ZMYND12: variants seen among roughly 807,000 people sequenced by gnomAD.
ZMYND12 encodes zinc finger MYND domain-containing protein 12.
In ZMYND12, 32 loss-of-function variants were observed where a neutral mutation model predicts 41.7. That is an observed-to-expected ratio of 0.77 (90% CI 0.58 to 1.03). ZMYND12 has a LOEUF of 1.03. ZMYND12 is among the 50% of genes least tolerant of loss of function. ZMYND12 has a pLI of 0.00. For missense variants in ZMYND12, 424 were observed against 438.5 expected (o/e 0.97, Z 0.30); for synonymous variants, 148 against 164.8 (o/e 0.90, Z 0.78).
chr1:42,441,900 G>C (rs1056285534), intron 3 of ZMYND12, among the ~76,000 whole-genome samples: 3 of 152,228 alleles, frequency 2.0e-5, no homozygotes, highest in Admixed American at 6.5e-5. Flanking sequence ...GATTACAGGC[G>C]TGAGCCACCG....
chr1:42,437,081 T>C (rs960610949), intron 4 of ZMYND12, among the ~76,000 whole-genome samples: 3 of 152,202 alleles, frequency 2.0e-5, no homozygotes, highest in Admixed American at 2.0e-4. Context: ...AATTGTAGTA[T>C]ATCCAGGCAA....
chr1:42,430,554 T>A lies in ZMYND12; in HGVS notation c.*182A>T. 1.4e-6 allele frequency: 1 copy of A among 692,492 alleles called. No individual in the cohort carries two copies. The highest frequency in any genetic ancestry group is 2.3e-6 in the Non-Finnish European group (1 of 439,470). 42.9% of individuals were successfully genotyped at this position (692,492 alleles called of 1,614,324 possible). On this transcript the variant is annotated 3_prime_UTR_variant, in exon 8 of 8. Coordinates refer to ENST00000372565, the MANE Select transcript of ZMYND12 (RefSeq NM_032257.5). ...CACAGTTTTTAGTGATTTCTATGCC[T>A]AAAGCTTTATATTCCCTTAATATGC... is the stretch of plus-strand genomic sequence containing the variant.
intron 3 of ZMYND12, among the ~76,000 whole-genome samples, chr1:42,441,791 T>G (rs1234278783): frequency 6.6e-6 from 1 of 152,034 alleles, no homozygotes; most frequent in Admixed American, 6.6e-5. Flanking sequence ...CGGCTAATTT[T>G]TTGTATTTTT....
rs1215615238 is a variant in ZMYND12 at position 42,449,302 on chromosome 1, TTA to T, written c.252+614_252+615del. On this transcript the variant is annotated intron_variant, in intron 2 of 7. Transcript: ENST00000372565. ...CCATACATCATTCTTAACCCTCCTA[TTA>T]TGTGGCCAGACTCTTGGCATCTGTG... Among the ~76,000 whole-genome samples, 4 of 152,204 alleles carry T rather than the reference TTA, an allele frequency of 2.6e-5. No individual in the cohort carries two copies. The East Asian group carries it at 7.7e-4, about 29-fold the overall frequency.
rs1642837823 is a variant in ZMYND12 at position 42,430,698 on chromosome 1, G to A, written c.*38C>T. The A allele has an allele frequency of 6.2e-7, 1 of 1,607,570 alleles. No individual in the cohort carries two copies. ...GCTGGAATATATTAGATCTTCAGTA[G>A]CCCCTGGAATAACCCTTGATGCAGA... is the stretch of plus-strand genomic sequence containing the variant. On this transcript the variant is annotated 3_prime_UTR_variant, in exon 8 of 8. Coordinates refer to ENST00000372565, the MANE Select transcript of ZMYND12 (RefSeq NM_032257.5).
In ZMYND12 at chr1:42,433,143, C is replaced by G. The variant is rs562399116; in HGVS notation, c.975G>C (p.Lys325Asn). ...GTGTTGCTTTTTTAGGGAAACTTGC[C>G]TTTGAAGAATTCATCATCAGGTAGT... Reference protein sequence around the residue: ...MFYYLMMNSSKAQEYGMRALS... With the variant: ...MFYYLMMNSSNAQEYGMRALS... Residue 325 changes from lysine (K) to asparagine (N), a missense_variant and splice_region_variant, in exon 7 of 8, where the codon AAG (lysine) becomes AAC (asparagine). Lys to Asn is a moderately conservative substitution (Grantham distance 94). Transcript: ENST00000372565. 6.2e-7 allele frequency: 1 copy of G among 1,604,834 alleles called. No homozygotes were observed. The highest frequency in any genetic ancestry group is 1.3e-5 in the African/African-American group (1 of 74,372).
chr1:42,433,903 A>G (rs1642880883), intron 6 of ZMYND12, among the ~76,000 whole-genome samples: 1 of 151,452 alleles, frequency 6.6e-6, no homozygotes, highest in South Asian at 2.1e-4. Flanking sequence ...AAAAAGACGA[A>G]AAGGATATAC....
In ZMYND12 at chr1:42,430,755, TC is replaced by T. The variant is rs1456648313; in HGVS notation, c.1078del (p.Glu360LysfsTer10). The T allele has an allele frequency of 3.7e-6, 6 of 1,614,184 alleles. No homozygotes were observed. The highest frequency in any genetic ancestry group is 5.1e-6 in the Non-Finnish European group (6 of 1,180,008). On this transcript the variant is annotated frameshift_variant, in exon 8 of 8. Transcript: ENST00000372565. LOFTEE classifies it high-confidence loss of function. ...GGGTCACTAAGTAATGGGATGGTCT[TC>T]AGTTGAAATGAGACTTAATAACTCT... The part of the protein sequence containing the change: ...IQELLSLIST[E>X]DHPIT
In ZMYND12 at chr1:42,448,542, A is replaced by G; in HGVS notation, c.349T>C (p.Phe117Leu). ...CTCAGGCCATACAGCTTCACACGGA[A>G]GCGAAGGGACTGCAAAGCTGCTGGT... ...AVPAALQSLR[F>L]RVKLYGLSSV... The change falls in exon 3 of 8, where the codon TTC becomes CTC. Residue 117 changes from phenylalanine (F) to leucine (L), a missense_variant. By Grantham distance (22) the Phe-to-Leu change is conservative. Transcript: ENST00000372565. 1 of 1,613,962 alleles carries G rather than the reference A, an allele frequency of 6.2e-7. No individual in the cohort carries two copies. The highest frequency in any genetic ancestry group is 8.5e-7 in the Non-Finnish European group (1 of 1,179,914).
intron 3 of ZMYND12, among the ~76,000 whole-genome samples, chr1:42,445,725 C>T (rs1289848552): frequency 6.6e-6 from 1 of 152,078 alleles, no homozygotes; most frequent in African/African-American, 2.4e-5. Context: ...TTGTTAACGG[C>T]TAGATCAAGC....
intron 3 of ZMYND12, among the ~76,000 whole-genome samples, chr1:42,442,463 T>C (rs1195315099): frequency 6.6e-6 from 1 of 152,190 alleles, no homozygotes; most frequent in Non-Finnish European, 1.5e-5. Context: ...CTCTTGACAC[T>C]TAAAGCTTTT....
At chr1:42,449,585 A>T (rs1346676430) in intron 2 of ZMYND12, among the ~76,000 whole-genome samples, 1 of 152,242 alleles carries the variant, frequency 6.6e-6, no homozygotes, top group Non-Finnish European at 1.5e-5. Flanking sequence ...GCCATCTGAA[A>T]GCCAGGAAGA....
At chr1:42,433,369 C>T (rs936235394) in intron 6 of ZMYND12, 81 bp from the exon 7 acceptor site, 28 of 1,471,396 alleles carry the variant, frequency 1.9e-5, no homozygotes, top group Non-Finnish European at 2.4e-5. Flanking sequence ...GCTGTTAAAG[C>T]GCCTGGTCTG....
intron 7 of ZMYND12, 79 bp from the exon 8 acceptor site, chr1:42,430,937 CA>C: frequency 6.3e-7 from 1 of 1,577,186 alleles, no homozygotes; most frequent in South Asian, 1.1e-5. Context: ...TGCTCAACTC[CA>C]GAAACATGAG....
intron 3 of ZMYND12, among the ~76,000 whole-genome samples, chr1:42,444,802 CTTTTTTT>C (rs34129195): frequency 2.4e-5 from 3 of 124,568 alleles, no homozygotes; most frequent in African/African-American, 6.1e-5. Context: ...AGGAGTAGTT[CTTTTTTT>C]TTTTTTTTTT....
chr1:42,447,791 T>A (rs1262932435), intron 3 of ZMYND12, among the ~76,000 whole-genome samples: 1 of 152,286 alleles, frequency 6.6e-6, no homozygotes, highest in East Asian at 1.9e-4. Context: ...AGCATTTTTT[T>A]AAATGGTGGC....
At chr1:42,451,470 G>C (rs1391060825) in intron 1 of ZMYND12, among the ~76,000 whole-genome samples, 17 of 152,140 alleles carry the variant, frequency 1.1e-4, no homozygotes. Flanking sequence ...TAATCTAGAG[G>C]AGGGATCAGA....
chr1:42,439,902 A>G lies in ZMYND12; in HGVS notation c.548T>C (p.Ile183Thr). 2.5e-6 allele frequency: 4 copies of G among 1,614,102 alleles called. No homozygotes were observed. The highest frequency in any genetic ancestry group is 1.7e-6 in the Non-Finnish European group (2 of 1,180,010). Reference protein sequence around the residue: ...LLHRNLGLLYIAKKNYEEARY... With the variant: ...LLHRNLGLLYTAKKNYEEARY... ...GGCCTCTTCATAGTTTTTCTTAGCT[A>G]TATAGAGAAGTCCCAGATTCCGATG... The change falls in exon 4 of 8, where the codon ATA (isoleucine) becomes ACA (threonine). Residue 183 changes from isoleucine to threonine, a missense_variant. Physicochemically the swap from Ile to Thr is moderately conservative, Grantham distance 89. Transcript: ENST00000372565.
chr1:42,445,449 AG>A lies in ZMYND12; in HGVS notation c.424+3017del, dbSNP rs758034393. 2.7e-5 allele frequency among the ~76,000 whole-genome samples: 4 copies of A among 150,082 alleles called. No individual in the cohort carries two copies. In the East Asian group the frequency reaches 6.0e-4, roughly 22 times the overall value. ...CTCCGTCTAAAAAAAAAAAAAAAAA[AG>A]GGGAGACCCAACCTGGTCTGGAGCC... On this transcript the variant is annotated intron_variant, in intron 3 of 7. Coordinates refer to ENST00000372565, the MANE Select transcript of ZMYND12 (RefSeq NM_032257.5).
Sources: allele counts gnomAD v4.1 joint callset (sites outside exome capture counted in the v4.1 genomes callset), GRCh38; gene constraint gnomAD v4.1.1; transcripts MANE v1.5; gene names NCBI Gene and HGNC (gene_info 2026-07-23, HGNC 2026-07-21).